The following FGD1 variants were observed in gnomAD, a reference collection of about 807,000 sequenced individuals.
FGD1 encodes the protein FYVE, RhoGEF and PH domain containing 1.
Under a neutral mutation model 65.0 loss-of-function variants are expected in FGD1, and 12 were observed. The observed-to-expected ratio is 0.18, with a 90% CI of 0.12 to 0.30. The LOEUF (loss-of-function observed/expected upper bound fraction) is 0.30, where lower values mean the gene tolerates loss of function less well. Ranked by LOEUF, FGD1 falls within the 10% of genes least tolerant of loss-of-function variation. The pLI is 1.00. For synonymous variants in FGD1, 333 were observed against 343.9 expected, an observed-to-expected ratio of 0.97 and a Z score of 0.35; for missense variants, 542 against 837.6, an observed-to-expected ratio of 0.65 and a Z score of 4.36.
intron 1 of FGD1, among the ~76,000 whole-genome samples, chrX:54,482,114 G>A (rs187131477): frequency 8.9e-6 from 1 of 111,802 alleles, no homozygotes; most frequent in Admixed American, 9.5e-5. Context: ...CAGACCCAGA[G>A]ACACACATGG....
rs533531503 is a variant in FGD1 at position 54,472,866 on chromosome X, G to A, written c.308-1379C>T. ...GCTCCCGGAGGTACCACCATCACAT[G>A]GTGTAAGTTATGCTGTGCCACAACC... On this transcript the variant is annotated intron_variant, in intron 1 of 17. Coordinates refer to ENST00000375135, the MANE Select transcript of FGD1 (RefSeq NM_004463.3). Among the ~76,000 whole-genome samples the A allele has an allele frequency of 4.5e-5, 5 of 111,371 alleles. No homozygotes were observed. The South Asian group carries it at 1.9e-3, about 42-fold the overall frequency.
chrX:54,464,856 C>T (rs770917817), intron 8 of FGD1, among the ~76,000 whole-genome samples: 1 of 109,092 alleles, frequency 9.2e-6, no homozygotes, highest in South Asian at 4.0e-4. Context: ...TAGTGGCTGG[C>T]GGACATGGAG....
At chrX:54,480,388 C>A (rs747486351) in intron 1 of FGD1, among the ~76,000 whole-genome samples, 3 of 111,358 alleles carry the variant, frequency 2.7e-5, no homozygotes, top group Non-Finnish European at 5.7e-5. Context: ...AGGAGAACTC[C>A]TTTTTGTAAA....
chrX:54,456,430 G>T, intron 9 of FGD1, 64 bp from the exon 10 acceptor site: 1 of 1,207,862 alleles, frequency 8.3e-7, no homozygotes, highest in Non-Finnish European at 1.1e-6. Flanking sequence ...ATGCCCACAA[G>T]TCACGACACC....
At chrX:54,474,582 G>A (rs947882997) in intron 1 of FGD1, among the ~76,000 whole-genome samples, 1 of 112,880 alleles carries the variant, frequency 8.9e-6, no homozygotes, top group Admixed American at 9.3e-5. Flanking sequence ...GCAGGGCCTG[G>A]CCAGGATGGA....
chrX:54,456,394 C>T (rs111370282), intron 9 of FGD1, 28 bp from the exon 10 acceptor site: 51 of 1,209,603 alleles, frequency 4.2e-5, no homozygotes, highest in African/African-American at 3.3e-4. Flanking sequence ...ACAAAAGGCA[C>T]GGTTGGGGTG....
At chrX:54,478,746 T>G (rs1010049759) in intron 1 of FGD1, among the ~76,000 whole-genome samples, 2 of 106,917 alleles carry the variant, frequency 1.9e-5, no homozygotes, top group Non-Finnish European at 3.9e-5. Context: ...TGGGTTAAAT[T>G]TGAAAACCAA....
rs140165404 is a variant in FGD1 at position 54,495,199 on chromosome X, G to A, written c.234C>T (p.Pro78=). ...GGTGGTGCTGTGGACTGGGACCGCAGGGCAAGACCCGGTGGCCTGGAGCAG... is the reference window on the plus strand; with the variant it reads ...GGTGGTGCTGTGGACTGGGACCGCAAGGCAAGACCCGGTGGCCTGGAGCAG... ...LGAAPGHRVL[P]CGPSPQHHRA... is the part of the protein sequence containing the mutation. The change falls in exon 1 of 18, where the codon CCC becomes CCT. Residue 78 remains proline (P), a synonymous_variant. Transcript: ENST00000375135. 113 of 1,188,478 alleles carry A rather than the reference G, an allele frequency of 9.5e-5. No homozygotes were observed. The African/African-American group carries it at 1.5e-3, about 16-fold the overall frequency.
chrX:54,494,725 G>C (rs1008213834), intron 1 of FGD1, among the ~76,000 whole-genome samples: 1 of 111,211 alleles, frequency 9.0e-6, no homozygotes, highest in Admixed American at 9.6e-5. Flanking sequence ...CCAGTGCCTG[G>C]TACAATGTAG....
intron 8 of FGD1, among the ~76,000 whole-genome samples, chrX:54,462,765 C>CTTTTT (rs1181178139): frequency 1.2e-5 from 1 of 83,843 alleles, no homozygotes; most frequent in Admixed American, 1.4e-4. Flanking sequence ...GCTGCTCCTT[C>CTTTTT]TTTTTTTTTT....
chrX:54,450,734 C>T (rs779620547), intron 12 of FGD1, among the ~76,000 whole-genome samples: 1 of 111,150 alleles, frequency 9.0e-6, no homozygotes, highest in Non-Finnish European at 1.9e-5. Context: ...GAATATAGAA[C>T]ATAAAAGAAA....
chrX:54,446,721 C>CTTT (rs1226487472), intron 17 of FGD1, among the ~76,000 whole-genome samples: 2 of 87,667 alleles, frequency 2.3e-5, no homozygotes, highest in African/African-American at 8.7e-5. Context: ...TATCTGCATA[C>CTTT]TTTTTTTTTT....
rs768015638 is a variant in FGD1 at position 54,492,353 on chromosome X, G to A, written c.307+2773C>T. On this transcript the variant is annotated intron_variant, in intron 1 of 17. Coordinates refer to ENST00000375135, the MANE Select transcript of FGD1 (RefSeq NM_004463.3). ...CCCTAAAGATGGTGATTCAATAAAG[G>A]TCTCAGCAGTGTTAGGGAGGAAGTC... Among the ~76,000 whole-genome samples, 48 of 112,087 alleles carry A rather than the reference G, an allele frequency of 4.3e-4. 2 individuals are homozygous for A. Among genetic ancestry groups the A allele is most frequent in the South Asian group, 2.2e-3 (6 of 2,717 alleles).
chrX:54,478,911 A>G (rs902916029), intron 1 of FGD1, among the ~76,000 whole-genome samples: 7 of 111,892 alleles, frequency 6.3e-5, no homozygotes, highest in Admixed American at 2.8e-4. Flanking sequence ...ACTCACCAGG[A>G]TAGCTCTGCA....
rs1194264404 is a variant in FGD1 at position 54,465,318 on chromosome X, C to T, written c.1636+133G>A. ...ATGTGGGCCTTTCAGTTTGGAGATTCTCCTCTGGGATTTCAATCATGTGGC... is the reference window on the plus strand; with the variant it reads ...ATGTGGGCCTTTCAGTTTGGAGATTTTCCTCTGGGATTTCAATCATGTGGC... On this transcript the variant is annotated intron_variant, in intron 8 of 17. Coordinates refer to ENST00000375135, the MANE Select transcript of FGD1 (RefSeq NM_004463.3). 5.6e-6 allele frequency: 4 copies of T among 708,640 alleles called. No individual in the cohort carries two copies. In the East Asian group the frequency reaches 1.3e-4, roughly 24 times the overall value. 58.4% of individuals were successfully genotyped at this position (708,640 alleles called of 1,213,427 possible).
intron 1 of FGD1, among the ~76,000 whole-genome samples, chrX:54,494,748 T>A (rs1019740261): frequency 8.1e-5 from 9 of 111,238 alleles, no homozygotes; most frequent in Non-Finnish European, 1.7e-4. Flanking sequence ...GCTTGGCAAA[T>A]GTAAGGCTCC....
chrX:54,449,515 C>A, intron 14 of FGD1, 144 bp downstream of exon 14: 1 of 523,635 alleles, frequency 1.9e-6, no homozygotes, highest in Non-Finnish European at 3.3e-6. Context: ...GTGGCCCTAC[C>A]AATGGAAGAC....
At chrX:54,458,540 CAAAAAA>C (rs774218099) in intron 8 of FGD1, among the ~76,000 whole-genome samples, 2 of 17,591 alleles carry the variant, frequency 1.1e-4, no homozygotes, top group African/African-American at 2.0e-4. Flanking sequence ...GACTACGTCT[CAAAAAA>C]AAAAAAAAAA....
chrX:54,466,643 T>C (rs1922764396), intron 6 of FGD1, among the ~76,000 whole-genome samples: 1 of 111,927 alleles, frequency 8.9e-6, no homozygotes, highest in South Asian at 3.7e-4. Context: ...GGTCCATTTG[T>C]CTGGATTCCC....
Sources: allele counts gnomAD v4.1 joint callset (sites outside exome capture counted in the v4.1 genomes callset), GRCh38; gene constraint gnomAD v4.1.1; transcripts MANE v1.5; gene names NCBI Gene and HGNC (gene_info 2026-07-23, HGNC 2026-07-21).